The following GRIN3B variants were observed in gnomAD, a reference collection of about 807,000 sequenced individuals.
GRIN3B encodes glutamate receptor ionotropic, NMDA 3B.
In GRIN3B, 77 loss-of-function variants were observed where a neutral mutation model predicts 66.0. The ratio of observed to expected loss-of-function variants is 1.17; its 90% CI spans 0.97 to 1.41. The LOEUF (loss-of-function observed/expected upper bound fraction) is 1.41, where lower values mean the gene tolerates loss of function less well. Ranked by LOEUF, GRIN3B falls within the 40% of genes most tolerant of loss-of-function variation. The pLI is 0.00. For synonymous variants in GRIN3B, 823 were observed against 749.7 expected (o/e 1.10, Z -1.60); for missense variants, 1,787 against 1,564.5 (o/e 1.14, Z -2.40).
In GRIN3B at chr19:1,004,698, A is replaced by G. The variant is rs2038722573; in HGVS notation, c.1197A>G (p.Gly399=). The G allele has an allele frequency of 1.2e-6, 2 of 1,603,578 alleles. No individual in the cohort carries two copies. The highest frequency in any genetic ancestry group is 1.7e-6 in the Non-Finnish European group (2 of 1,174,822). The part of the protein sequence containing the change: ...WRDGQLDLEP[G]GASARPPPPQ... The stretch of plus-strand genomic sequence containing the variant: ...ACGGCCAGCTGGACTTGGAACCGGG[A>G]GGTGCCTCTGCACGGCCCCCGCCCC... Residue 399 remains glycine, a synonymous_variant, in exon 3 of 9, where the codon GGA becomes GGG. Coordinates refer to ENST00000234389, the MANE Select transcript of GRIN3B (RefSeq NM_138690.3).
Position 1,000,491 on chromosome 19 carries a change from G to A in GRIN3B, c.54G>A (p.Gly18=), listed in dbSNP as rs530938555. 49 of 1,204,024 alleles carry A rather than the reference G, an allele frequency of 4.1e-5. No homozygotes were observed. In the Admixed American group the frequency reaches 6.2e-4, roughly 15 times the overall value. The allele number at this position is 1,204,024 out of a possible 1,614,324, so 74.6% of individuals were successfully genotyped here. Residue 18 remains glycine (G), a synonymous_variant, in exon 1 of 9, where the codon GGG becomes GGA. Coordinates refer to ENST00000234389, the MANE Select transcript of GRIN3B (RefSeq NM_138690.3). ...WLGLALALGP[G]SAGGHPQPCG... ...GCCTGGCGCTGGCGCTGGGGCCGGGGTCCGCGGGGGGCCACCCTCAGCCGT... is the reference window on the plus strand; with the variant it reads ...GCCTGGCGCTGGCGCTGGGGCCGGGATCCGCGGGGGGCCACCCTCAGCCGT...
In GRIN3B at chr19:1,005,918, C is replaced by A. The variant is rs1262567013; in HGVS notation, c.2052+365C>A. ...ACTCGGGAGGCTGAGGCAGGAGAATCACTTGAACCCAGGAGGCGGAGGTTG... is the reference window on the plus strand; with the variant it reads ...ACTCGGGAGGCTGAGGCAGGAGAATAACTTGAACCCAGGAGGCGGAGGTTG... On this transcript the variant is annotated intron_variant, in intron 3 of 8. Coordinates refer to ENST00000234389, the MANE Select transcript of GRIN3B (RefSeq NM_138690.3). This position sits in a 1 kb window ranked among gnomAD's most constrained non-coding sequence, Gnocchi z 5.2. Among the ~76,000 whole-genome samples the A allele has an allele frequency of 1.3e-5, 2 of 151,976 alleles. No individual in the cohort carries two copies. The highest frequency in any genetic ancestry group is 2.9e-5 in the Non-Finnish European group (2 of 67,986).
intron 3 of GRIN3B, among the ~76,000 whole-genome samples, chr19:1,006,110 A>G (rs1440492394): frequency 6.6e-6 from 1 of 151,558 alleles, no homozygotes; most frequent in Non-Finnish European, 1.5e-5. Context: ...TTGGCCTCCC[A>G]AAGTGCTGGG....
chr19:1,008,944 G>A lies in GRIN3B; in HGVS notation c.2702+17G>A, dbSNP rs1196629782. On this transcript the variant is annotated intron_variant, in intron 8 of 8. Transcript: ENST00000234389. ...GGAGCCCAGGTAAGTGGTGGTCGGG[G>A]CGGACCACGATGCAGGACCACCCAG... 1 of 1,593,256 alleles carries A rather than the reference G, an allele frequency of 6.3e-7. No individual in the cohort carries two copies. Among genetic ancestry groups the A allele is most frequent in the East Asian group, 2.3e-5 (1 of 43,770 alleles).
Position 1,000,574 on chromosome 19 carries a change from C to T in GRIN3B, c.137C>T (p.Ala46Val), listed in dbSNP as rs2038671976. 2 of 1,031,986 alleles carry T rather than the reference C, an allele frequency of 1.9e-6. No individual in the cohort carries two copies. Among genetic ancestry groups the T allele is most frequent in the South Asian group, 4.4e-5 (1 of 22,594 alleles). 63.9% of individuals were successfully genotyped at this position (1,031,986 alleles called of 1,614,324 possible). A position where few individuals can be genotyped will look rare whatever the true frequency, so the allele number is the denominator to read the frequency against. The change falls in exon 1 of 9, where the codon GCG becomes GTG. Residue 46 changes from alanine (A) to valine (V), a missense_variant. By Grantham distance (64) the Ala-to-Val change is moderately conservative. Transcript: ENST00000234389. ...CGCCTGGGCGCCCTCCTGCCCCGCG[C>T]GCCTCTCGCCCGCGCCCGCGCCCGC... ...SVRLGALLPR[A>V]PLARARARAA... is the part of the protein sequence containing the mutation.
At chr19:1,003,035 G>T in intron 1 of GRIN3B, 95 bp from the exon 2 acceptor site, 1 of 823,046 alleles carries the variant, frequency 1.2e-6, no homozygotes, top group Non-Finnish European at 1.8e-6. Flanking sequence ...CAGCCATCCA[G>T]CTGGCATCTA....
rs1490933136 is a variant in GRIN3B at position 1,000,706 on chromosome 19, G to T, written c.269G>T (p.Gly90Val). The T allele has an allele frequency of 7.1e-7, 1 of 1,406,368 alleles. No individual in the cohort carries two copies. 87.1% of individuals were successfully genotyped at this position (1,406,368 alleles called of 1,614,324 possible). ...PARDPASLTR[G>V]LCQALVPPGV... Reference sequence around the variant, plus strand: ...CGCGACCCCGCCTCGCTGACCCGCGGCCTGTGCCAGGCGCTGGTGCCTCCG... The same window carrying T: ...CGCGACCCCGCCTCGCTGACCCGCGTCCTGTGCCAGGCGCTGGTGCCTCCG... Residue 90 changes from glycine to valine, a missense_variant, in exon 1 of 9, where the codon GGC becomes GTC. By Grantham distance (109) the Gly-to-Val change is moderately radical (BLOSUM62 -3). Transcript: ENST00000234389.
rs765385702 is a variant in GRIN3B, at chr19:1,005,312, C to A, written c.1811C>A (p.Thr604Lys). 1.9e-6 allele frequency: 3 copies of A among 1,613,640 alleles called. No homozygotes were observed. The highest frequency in any genetic ancestry group is 2.5e-6 in the Non-Finnish European group (3 of 1,179,984). The change falls in exon 3 of 9, where the codon ACG (threonine) becomes AAG (lysine). Residue 604 changes from threonine (T) to lysine (K), a missense_variant. By Grantham distance (78) the Thr-to-Lys change is moderately conservative. Transcript: ENST00000234389. This position sits in a 1 kb window ranked among gnomAD's most constrained non-coding sequence, Gnocchi z 5.2. Reference sequence around the variant, plus strand: ...GAGTGGCGTAGCCCCTACGGCCTCACGCCACGTGGCCGCAACCGCAGCACC... The same window carrying A: ...GAGTGGCGTAGCCCCTACGGCCTCAAGCCACGTGGCCGCAACCGCAGCACC... The part of the protein sequence containing the change: ...VYEWRSPYGL[T>K]PRGRNRSTVF...
In GRIN3B at chr19:1,008,843, G is replaced by C. The variant is rs1429049309; in HGVS notation, c.2632-14G>C. On this transcript the variant is annotated splice_polypyrimidine_tract_variant and intron_variant, in intron 7 of 8. Coordinates refer to ENST00000234389, the MANE Select transcript of GRIN3B (RefSeq NM_138690.3). ...CCCCGCCTCCTCGCCAACCGGGTCT[G>C]TCTGGGGTCTTAGAAAATCCACCGC... The C allele has an allele frequency of 6.2e-7, 1 of 1,603,762 alleles. No individual in the cohort carries two copies. Among genetic ancestry groups the C allele is most frequent in the Non-Finnish European group, 8.5e-7 (1 of 1,175,550 alleles).
At position 1,008,718 on chromosome 19, in the gene GRIN3B, TC is replaced by T. The variant is rs2038793038; in HGVS notation, c.2569del (p.Arg857AlafsTer228). On this transcript the variant is annotated frameshift_variant, in exon 7 of 9. Coordinates refer to ENST00000234389, the MANE Select transcript of GRIN3B (RefSeq NM_138690.3). LOFTEE classifies it high-confidence loss of function. Reference protein sequence around the residue: ...LLSSLGEHAFFRLALPRIRKG... With the variant: ...LLSSLGEHAFXRLALPRIRKG... The stretch of plus-strand genomic sequence containing the variant: ...AGCTCGCTGGGCGAGCACGCCTTCT[TC>T]CGCCTGGCGCTGCCGCGCATCCGCA... The T allele has an allele frequency of 3.1e-6, 5 of 1,608,764 alleles. No homozygotes were observed. The highest frequency in any genetic ancestry group is 1.3e-5 in the African/African-American group (1 of 74,888).
chr19:1,003,993 A>G (rs2038712482), intron 2 of GRIN3B, among the ~76,000 whole-genome samples: 1 of 152,186 alleles, frequency 6.6e-6, no homozygotes, highest in South Asian at 2.1e-4. Context: ...GGAGGCTGAG[A>G]TGAGAGAATC....
In GRIN3B at chr19:1,007,648, C is replaced by A; in HGVS notation, c.2073C>A (p.Gly691=). The change falls in exon 4 of 9, where the codon GGC becomes GGA. Residue 691 remains glycine (G), a synonymous_variant. Coordinates refer to ENST00000234389, the MANE Select transcript of GRIN3B (RefSeq NM_138690.3). This position sits in a 1 kb window ranked among gnomAD's most constrained non-coding sequence, Gnocchi z 4.4. ...CGCAGCTGCACCACCCGGCGCAGGG[C>A]TTCCGCTTCGGCACCGTGTGGGAGA... ...HDPKLHHPAQ[G]FRFGTVWESS... is the part of the protein sequence containing the mutation. 2.0e-6 allele frequency: 3 copies of A among 1,524,042 alleles called. No homozygotes were observed. In the African/African-American group the frequency reaches 4.2e-5, roughly 21 times the overall value. 94.4% of individuals were successfully genotyped at this position (1,524,042 alleles called of 1,614,324 possible).
chr19:1,009,664 G>A lies in GRIN3B; in HGVS notation c.*62G>A. ...ACAGCGCAGTGAGCCGCTGTCAACA[G>A]ACAGTTTATTCTATATACAAACACA... On this transcript the variant is annotated 3_prime_UTR_variant, in exon 9 of 9. Coordinates refer to ENST00000234389, the MANE Select transcript of GRIN3B (RefSeq NM_138690.3). The A allele has an allele frequency of 1.6e-6, 2 of 1,271,964 alleles. No individual in the cohort carries two copies. The highest frequency in any genetic ancestry group is 2.0e-6 in the Non-Finnish European group (2 of 983,458). The allele number at this position is 1,271,964 out of a possible 1,614,324, so 78.8% of individuals were successfully genotyped here. A position where few individuals can be genotyped will look rare whatever the true frequency, so the allele number is the denominator to read the frequency against.
rs542713078 is a variant in GRIN3B at position 1,009,517 on chromosome 19, G to A, written c.3047G>A (p.Arg1016His). The stretch of plus-strand genomic sequence containing the variant: ...CTGGCACAGCTCGGGGACAGCGCAC[G>A]TCACCGGCCTCGGCGCTTGCTTCAG... ...QLLAQLGDSA[R>H]HRPRRLLQAR... The change falls in exon 9 of 9, where the codon CGT (arginine) becomes CAT (histidine). Residue 1016 changes from arginine (R) to histidine (H), a missense_variant. Arg to His is a conservative substitution (Grantham distance 29). Coordinates refer to ENST00000234389, the MANE Select transcript of GRIN3B (RefSeq NM_138690.3). The A allele has an allele frequency of 2.8e-5, 42 of 1,491,980 alleles. No homozygotes were observed. The African/African-American group carries it at 5.2e-4, about 19-fold the overall frequency. The allele number at this position is 1,491,980 out of a possible 1,614,324, so 92.4% of individuals were successfully genotyped here. A position where few individuals can be genotyped will look rare whatever the true frequency, so the allele number is the denominator to read the frequency against.
chr19:1,005,090 C>A lies in GRIN3B; in HGVS notation c.1589C>A (p.Thr530Asn). ...GCCGGCCGGGCCCACATGGCGGTCA[C>A]CAGCTTCAGTATCAACTCCGCCCGC... is the stretch of plus-strand genomic sequence containing the variant. ...LLAGRAHMAV[T>N]SFSINSARSQ... is the part of the protein sequence containing the mutation. Residue 530 changes from threonine to asparagine, a missense_variant, in exon 3 of 9, where the codon ACC becomes AAC. Physicochemically the swap from Thr to Asn is moderately conservative, Grantham distance 65. Transcript: ENST00000234389. The surrounding 1 kb of genome is among the most constrained non-coding windows in gnomAD (Gnocchi z 5.2). 6.2e-7 allele frequency: 1 copy of A among 1,612,318 alleles called. No homozygotes were observed. Among genetic ancestry groups the A allele is most frequent in the Non-Finnish European group, 8.5e-7 (1 of 1,179,500 alleles).
chr19:1,007,813 G>C lies in GRIN3B; in HGVS notation c.2198+40G>C. ...GGGGTGAGGCGGGGGCGGGGCGTGG[G>C]GTGGGCGGGGCGATGGCTGACCCCC... On this transcript the variant is annotated intron_variant, in intron 4 of 8. Coordinates refer to ENST00000234389, the MANE Select transcript of GRIN3B (RefSeq NM_138690.3). The surrounding 1 kb of genome is among the most constrained non-coding windows in gnomAD (Gnocchi z 4.4). 1 of 1,539,218 alleles carries C rather than the reference G, an allele frequency of 6.5e-7. No homozygotes were observed. Among genetic ancestry groups the C allele is most frequent in the South Asian group, 1.2e-5 (1 of 83,888 alleles).
Position 1,004,870 on chromosome 19 carries a change from G to T in GRIN3B, c.1369G>T (p.Asp457Tyr). 1.2e-6 allele frequency: 2 copies of T among 1,610,684 alleles called. No individual in the cohort carries two copies. Among genetic ancestry groups the T allele is most frequent in the Non-Finnish European group, 1.7e-6 (2 of 1,178,496 alleles). Residue 457 changes from aspartate to tyrosine, a missense_variant, in exon 3 of 9, where the codon GAC becomes TAC. By Grantham distance (160) the Asp-to-Tyr change is radical (BLOSUM62 -3). Coordinates refer to ENST00000234389, the MANE Select transcript of GRIN3B (RefSeq NM_138690.3). ...DPGTNDSATL[D>Y]ALFAALANGS... ...TGGCACCAACGACTCGGCCACCCTG[G>T]ACGCACTGTTCGCCGCGCTGGCCAA...
Position 1,009,447 on chromosome 19 carries a change from G to A in GRIN3B, c.2977G>A (p.Ala993Thr). Residue 993 changes from alanine (A) to threonine (T), a missense_variant, in exon 9 of 9, where the codon GCG (alanine) becomes ACG (threonine). Transcript: ENST00000234389. ...LQELERRIEV[A>T]RERLRQALVR... ...GGAGCTGGAGCGCCGCATCGAAGTC[G>A]CGCGTGAGCGGCTCCGCCAGGCCCT... 6.8e-7 allele frequency: 1 copy of A among 1,468,334 alleles called. No individual in the cohort carries two copies. The highest frequency in any genetic ancestry group is 9.0e-7 in the Non-Finnish European group (1 of 1,116,380). The allele number at this position is 1,468,334 out of a possible 1,614,324, so 91.0% of individuals were successfully genotyped here.
chr19:1,007,914 G>A lies in GRIN3B; in HGVS notation c.2257G>A (p.Val753Ile). ...GGACAAGTCGCTCCTGGACTACGAG[G>A]TCTCCATCGACGCCGACTGCAAACT... is the stretch of plus-strand genomic sequence containing the variant. Reference protein sequence around the residue: ...IMDKSLLDYEVSIDADCKLLT... With the variant: ...IMDKSLLDYEISIDADCKLLT... The change falls in exon 5 of 9, where the codon GTC (valine) becomes ATC (isoleucine). Residue 753 changes from valine (V) to isoleucine (I), a missense_variant. Val to Ile is a conservative substitution (Grantham distance 29). Coordinates refer to ENST00000234389, the MANE Select transcript of GRIN3B (RefSeq NM_138690.3). The surrounding 1 kb of genome is among the most constrained non-coding windows in gnomAD (Gnocchi z 4.4). 2 of 1,612,030 alleles carry A rather than the reference G, an allele frequency of 1.2e-6. No homozygotes were observed. Among genetic ancestry groups the A allele is most frequent in the African/African-American group, 1.3e-5 (1 of 74,976 alleles).
Sources: allele counts gnomAD v4.1 joint callset (sites outside exome capture counted in the v4.1 genomes callset), GRCh38; gene constraint gnomAD v4.1.1; non-coding constraint Gnocchi (gnomAD v3.1); transcripts MANE v1.5; gene names NCBI Gene and HGNC (gene_info 2026-07-23, HGNC 2026-07-21).